The following EPHB2 variants were observed in gnomAD, a reference collection of about 807,000 sequenced individuals.
EPHB2 encodes EPH receptor B2.
Under a neutral mutation model 96.4 loss-of-function variants are expected in EPHB2, and 18 were observed. That is an observed-to-expected ratio of 0.19 (90% CI 0.13 to 0.28). EPHB2 has a LOEUF of 0.28. Ranked by LOEUF, EPHB2 falls within the 10% of genes least tolerant of loss-of-function variation. The probability of loss-of-function intolerance (pLI) is 1.00; values close to 1 mark genes in which losing one functional copy is unlikely to be tolerated. For synonymous variants in EPHB2, 506 were observed against 534.1 expected, an observed-to-expected ratio of 0.95 and a Z score of 0.72; for missense variants, 989 against 1,355.4, an observed-to-expected ratio of 0.73 and a Z score of 4.25.
intron 3 of EPHB2, among the ~76,000 whole-genome samples, chr1:22,829,959 G>T (rs975781269): frequency 6.6e-6 from 1 of 152,218 alleles, no homozygotes; most frequent in African/African-American, 2.4e-5. Flanking sequence ...GTAAGTCGAG[G>T]CACCGAGCAG....
intron 3 of EPHB2, among the ~76,000 whole-genome samples, chr1:22,852,116 G>A (rs1217270947): frequency 6.6e-6 from 1 of 152,232 alleles, no homozygotes; most frequent in African/African-American, 2.4e-5. Flanking sequence ...TCAAGGTGAA[G>A]ATGCAGCAAC....
intron 5 of EPHB2, among the ~76,000 whole-genome samples, chr1:22,882,026 G>T (rs934738019): frequency 2.0e-5 from 3 of 152,160 alleles, no homozygotes; most frequent in Non-Finnish European, 4.4e-5. Flanking sequence ...ATAACTGATT[G>T]ATTTTATTGA....
At chr1:22,848,287 T>C (rs570959414) in intron 3 of EPHB2, among the ~76,000 whole-genome samples, 10 of 152,132 alleles carry the variant, frequency 6.6e-5, no homozygotes, top group Admixed American at 1.3e-4. Context: ...TGTGTGCCCG[T>C]GACTGCTGCT....
intron 5 of EPHB2, among the ~76,000 whole-genome samples, chr1:22,870,673 C>A (rs770690104): frequency 6.6e-6 from 1 of 152,220 alleles, no homozygotes; most frequent in Non-Finnish European, 1.5e-5. Context: ...CTTGGCCATT[C>A]TCCAGGGCTG....
chr1:22,780,141 A>G (rs1644508063), intron 1 of EPHB2, among the ~76,000 whole-genome samples: 1 of 152,198 alleles, frequency 6.6e-6, no homozygotes, highest in Admixed American at 6.5e-5. Context: ...GGTCCATTTA[A>G]ATTCATTCGG....
chr1:22,776,172 C>T (rs1366747704), intron 1 of EPHB2, among the ~76,000 whole-genome samples: 3 of 152,212 alleles, frequency 2.0e-5, no homozygotes, highest in South Asian at 2.1e-4. Context: ...CTTCAGCCAG[C>T]GCTTGATTCC....
rs749768443 is a variant in EPHB2 at position 22,895,586 on chromosome 1, T to G, written c.1700+6T>G. 6 of 1,613,980 alleles carry G rather than the reference T, an allele frequency of 3.7e-6. No homozygotes were observed. The highest frequency in any genetic ancestry group is 1.3e-5 in the African/African-American group (1 of 74,928). ...ATCGCCATCGTGTGTAACAGGTGGG[T>G]GGGGTCTCCAGGCTTGGCCAGGCCT... is the stretch of plus-strand genomic sequence containing the variant. On this transcript the variant is annotated splice_donor_region_variant and intron_variant, in intron 8 of 15. Coordinates refer to ENST00000374630, the MANE Select transcript of EPHB2 (RefSeq NM_017449.5).
intron 7 of EPHB2, among the ~76,000 whole-genome samples, chr1:22,894,594 C>T (rs1639495815): frequency 1.3e-5 from 2 of 148,350 alleles, no homozygotes; most frequent in Non-Finnish European, 3.0e-5. Context: ...GAAACTCCCA[C>T]TCCAAAAAAA....
intron 5 of EPHB2, among the ~76,000 whole-genome samples, chr1:22,877,094 T>C (rs1227355949): frequency 6.6e-6 from 1 of 152,146 alleles, no homozygotes; most frequent in Non-Finnish European, 1.5e-5. Flanking sequence ...TGGACCAGGA[T>C]GTCCTCAGGG....
At chr1:22,865,500 C>T (rs956670160) in intron 5 of EPHB2, among the ~76,000 whole-genome samples, 1 of 152,238 alleles carries the variant, frequency 6.6e-6, no homozygotes, top group Non-Finnish European at 1.5e-5. Flanking sequence ...GTATTTCTCT[C>T]TCATGGGAGA....
chr1:22,728,226 CTGAATGAA>C (rs61525878), intron 1 of EPHB2, among the ~76,000 whole-genome samples: 4 of 152,038 alleles, frequency 2.6e-5, no homozygotes, highest in Admixed American at 2.0e-4. Context: ...TAAAAAATTA[CTGAATGAA>C]TGAATGAATG....
Position 22,785,073 on chromosome 1 carries a change from C to T in EPHB2, c.808C>T (p.Arg270Ter), listed in dbSNP as rs1200975274. The T allele has an allele frequency of 1.9e-6, 3 of 1,613,458 alleles. No homozygotes were observed. The highest frequency in any genetic ancestry group is 2.5e-6 in the Non-Finnish European group (3 of 1,180,036). The change falls in exon 3 of 16, where the codon CGA becomes TGA. Residue 270 changes from arginine (R) to a stop codon, truncating the protein, a stop_gained. Coordinates refer to ENST00000374630, the MANE Select transcript of EPHB2 (RefSeq NM_017449.5). LOFTEE classifies it high-confidence loss of function. ...FEAVENGTVCRGCPSGTFKAN... is the reference protein window; with the variant it reads ...FEAVENGTVC The stretch of plus-strand genomic sequence containing the variant: ...GGCCGTTGAGAATGGCACCGTCTGC[C>T]GAGGTAAGGGCCAGGGTGGGGCACG...
intron 3 of EPHB2, among the ~76,000 whole-genome samples, chr1:22,822,318 A>G (rs1645163262): frequency 6.9e-6 from 1 of 145,074 alleles, no homozygotes; most frequent in South Asian, 2.4e-4. Context: ...CCCCATCTCT[A>G]TTTTTTAATT....
chr1:22,775,204 G>A (rs931696548), intron 1 of EPHB2: 5 of 779,828 alleles, frequency 6.4e-6, no homozygotes, highest in Non-Finnish European at 9.6e-6. Flanking sequence ...ATAGATGGAT[G>A]TGGGTTCCAG....
chr1:22,865,035 G>C lies in EPHB2; in HGVS notation c.1126G>C (p.Gly376Arg). 6.2e-7 allele frequency: 1 copy of C among 1,613,476 alleles called. No homozygotes were observed. ...GGGCCGGGGTGCCTGCACCCGCTGC[G>C]GGGACAATGTACAGTACGCACCACG... The part of the protein sequence containing the change: ...GSGRGACTRC[G>R]DNVQYAPRQL... Residue 376 changes from glycine (G) to arginine (R), a missense_variant, in exon 5 of 16, where the codon GGG becomes CGG. Coordinates refer to ENST00000374630, the MANE Select transcript of EPHB2 (RefSeq NM_017449.5).
chr1:22,918,592 A>AC lies in EPHB2; in HGVS notation c.*5023dup, dbSNP rs985255348. On this transcript the variant is annotated 3_prime_UTR_variant, in exon 16 of 16. Coordinates refer to ENST00000374630, the MANE Select transcript of EPHB2 (RefSeq NM_017449.5). The surrounding 1 kb of genome is among the most constrained non-coding windows in gnomAD (Gnocchi z 4.2). ...GAGCCCCACTGTGCTGTGTGATGCT[A>AC]CATACGCATGCGAATACACCACCGG... 2.0e-5 allele frequency: 3 copies of AC among 152,236 alleles called. No homozygotes were observed. Among genetic ancestry groups the AC allele is most frequent in the African/African-American group, 7.2e-5 (3 of 41,458 alleles). The allele number at this position is 152,236 out of a possible 1,614,324, so 9.4% of individuals were successfully genotyped here. A position where few individuals can be genotyped will look rare whatever the true frequency, so the allele number is the denominator to read the frequency against.
rs1020230565 is a variant in EPHB2, at chr1:22,790,842, G to A, written c.811+5766G>A. Among the ~76,000 whole-genome samples the A allele has an allele frequency of 2.6e-5, 4 of 152,286 alleles. No homozygotes were observed. The highest frequency in any genetic ancestry group is 1.9e-4 in the East Asian group (1 of 5,184). On this transcript the variant is annotated intron_variant, in intron 3 of 15. Transcript: ENST00000374630. The surrounding 1 kb of genome is among the most constrained non-coding windows in gnomAD (Gnocchi z 4.0). ...GGTGGTTGCACGCACATGTTGATTC[G>A]CTGGCTCCAGCTCAGACTCCCCAGT...
At position 22,907,967 on chromosome 1, in the gene EPHB2, G is replaced by C; in HGVS notation, c.2151G>C (p.Gln717His). 1 of 1,614,248 alleles carries C rather than the reference G, an allele frequency of 6.2e-7. No individual in the cohort carries two copies. Among genetic ancestry groups the C allele is most frequent in the Non-Finnish European group, 8.5e-7 (1 of 1,180,046 alleles). Residue 717 changes from glutamine (Q) to histidine (H), a missense_variant, in exon 12 of 16, where the codon CAG becomes CAC. Gln to His is a conservative substitution (Grantham distance 24). Transcript: ENST00000374630. ...LDSFLRQNDG[Q>H]FTVIQLVGML... ...TTCTCCCAAAGCAAAACGATGGGCAGTTCACAGTCATCCAGCTGGTGGGCA... is the reference window on the plus strand; with the variant it reads ...TTCTCCCAAAGCAAAACGATGGGCACTTCACAGTCATCCAGCTGGTGGGCA...
chr1:22,775,107 A>T (rs376638466), intron 1 of EPHB2: 16 of 749,286 alleles, frequency 2.1e-5, no homozygotes, highest in African/African-American at 1.0e-4. Context: ...AAATGCACAC[A>T]CACAAGCCCT....
Sources: gnomAD v4.1 joint callset for allele counts (sites outside exome capture counted in the v4.1 genomes callset) on GRCh38, gnomAD v4.1.1 for gene constraint, Gnocchi (gnomAD v3.1) non-coding constraint, MANE v1.5 for transcripts, NCBI Gene and HGNC (gene_info 2026-07-23, HGNC 2026-07-21) for gene names.